PGCKA1: variants seen among roughly 807,000 people sequenced by gnomAD.
PGCKA1 encodes the protein PDCD10 and GCKIII kinases-associated protein 1.
At chr4:37,535,189 C>T in the PGCKA1 span, among the ~76,000 whole-genome samples, 1 of 152,144 alleles carries the variant, frequency 6.6e-6, no homozygotes, top group Non-Finnish European at 1.5e-5. Context: ...TGGACACGGC[C>T]AGTAAAAACT....
At chr4:37,533,199 AT>A in the PGCKA1 span, among the ~76,000 whole-genome samples, 3 of 152,032 alleles carry the variant, frequency 2.0e-5, no homozygotes, top group South Asian at 2.1e-4. Flanking sequence ...AAGCAGTAGG[AT>A]TTTTTTTCCC....
the PGCKA1 span, among the ~76,000 whole-genome samples, chr4:37,581,361 CCAG>C: frequency 6.6e-6 from 1 of 152,122 alleles, no homozygotes; most frequent in Non-Finnish European, 1.5e-5. This position sits in a 1 kb window ranked among gnomAD's most constrained non-coding sequence, Gnocchi z 4.4. Flanking sequence ...TCACCTGAAA[CCAG>C]CACATCTCAG....
the PGCKA1 span, among the ~76,000 whole-genome samples, chr4:37,555,393 C>G: frequency 1.3e-5 from 2 of 152,204 alleles, no homozygotes; most frequent in Non-Finnish European, 2.9e-5. Context: ...ATAGAGGACA[C>G]TCTGAGACAG....
chr4:37,510,784 T>C, the PGCKA1 span, among the ~76,000 whole-genome samples: 1 of 152,002 alleles, frequency 6.6e-6, no homozygotes, highest in African/African-American at 2.4e-5. Flanking sequence ...ATGTCCTTCT[T>C]TTCAGGTTGG....
chr4:37,456,638 G>A, the PGCKA1 span, among the ~76,000 whole-genome samples: 1 of 152,298 alleles, frequency 6.6e-6, no homozygotes, highest in African/African-American at 2.4e-5. Flanking sequence ...ACCCTGACCT[G>A]GCCTTGGAGA....
At chr4:37,580,946 C>A in the PGCKA1 span, among the ~76,000 whole-genome samples, 2 of 152,096 alleles carry the variant, frequency 1.3e-5, no homozygotes, top group East Asian at 1.9e-4. Flanking sequence ...GTCACTCAAA[C>A]CATAAGACAA....
chr4:37,500,746 G>A, the PGCKA1 span, among the ~76,000 whole-genome samples: 1 of 152,154 alleles, frequency 6.6e-6, no homozygotes, highest in Non-Finnish European at 1.5e-5. Flanking sequence ...ATTATTGTGT[G>A]GGAATCTAAG....
the PGCKA1 span, chr4:37,590,851 G>A: frequency 2.5e-6 from 4 of 1,614,128 alleles, no homozygotes; most frequent in Non-Finnish European, 3.4e-6. Context: ...TGCCATGCCT[G>A]TGGTTGACTC....
chr4:37,582,451 T>C, the PGCKA1 span, among the ~76,000 whole-genome samples: 1 of 152,340 alleles, frequency 6.6e-6, no homozygotes, highest in South Asian at 2.1e-4. Context: ...ACAGACCTTA[T>C]TCAGATTTTA....
At chr4:37,555,807 G>T in the PGCKA1 span, among the ~76,000 whole-genome samples, 1 of 152,034 alleles carries the variant, frequency 6.6e-6, no homozygotes, top group Non-Finnish European at 1.5e-5. Flanking sequence ...CTTTCACCCA[G>T]AACCCTTCAC....
chr4:37,490,463 A>T, the PGCKA1 span, among the ~76,000 whole-genome samples: 2 of 152,122 alleles, frequency 1.3e-5, no homozygotes, highest in East Asian at 1.9e-4. Context: ...AAGAGCGTTG[A>T]CTTTAATGCA....
the PGCKA1 span, among the ~76,000 whole-genome samples, chr4:37,492,314 A>G: frequency 3.3e-5 from 5 of 152,174 alleles, no homozygotes; most frequent in Non-Finnish European, 5.9e-5. The surrounding 1 kb of genome is among the most constrained non-coding windows in gnomAD (Gnocchi z 4.7). Flanking sequence ...CTGCTCATAT[A>G]TAAGAGCAAG....
the PGCKA1 span, among the ~76,000 whole-genome samples, chr4:37,465,975 C>T: frequency 6.6e-6 from 1 of 152,058 alleles, no homozygotes; most frequent in African/African-American, 2.4e-5. Context: ...ACTGAATGAG[C>T]CATTTCTCAG....
At chr4:37,481,957 C>G in the PGCKA1 span, among the ~76,000 whole-genome samples, 2 of 152,162 alleles carry the variant, frequency 1.3e-5, no homozygotes, top group Admixed American at 6.5e-5. Context: ...TTGCTTGGCT[C>G]TCATTCGCCT....
the PGCKA1 span, among the ~76,000 whole-genome samples, chr4:37,562,797 C>A: frequency 6.6e-6 from 1 of 152,188 alleles, no homozygotes; most frequent in Non-Finnish European, 1.5e-5. Flanking sequence ...ACTCTTTCTA[C>A]ATCCCTGGAA....
At chr4:37,505,468 T>C in the PGCKA1 span, among the ~76,000 whole-genome samples, 1 of 152,168 alleles carries the variant, frequency 6.6e-6, no homozygotes, top group Admixed American at 6.5e-5. Context: ...TATTAGTCCA[T>C]TTTCATGCTG....
chr4:37,540,642 G>A, the PGCKA1 span, among the ~76,000 whole-genome samples: 1 of 152,182 alleles, frequency 6.6e-6, no homozygotes, highest in Non-Finnish European at 1.5e-5. Flanking sequence ...CCTGTGTGAG[G>A]ACACAGGAAT....
chr4:37,572,063 C>CTTTTTTTTT, the PGCKA1 span, among the ~76,000 whole-genome samples: 1 of 89,972 alleles, frequency 1.1e-5, no homozygotes, highest in Non-Finnish European at 2.0e-5. Flanking sequence ...TTTTTTTTTT[C>CTTTTTTTTT]TTTTTTTTTT....
the PGCKA1 span, among the ~76,000 whole-genome samples, chr4:37,501,167 C>T: frequency 5.3e-5 from 8 of 151,998 alleles, no homozygotes; most frequent in African/African-American, 1.4e-4. Context: ...TGATGTCAGC[C>T]AGTTATTATG....
Sources: allele counts gnomAD v4.1 joint callset (sites outside exome capture counted in the v4.1 genomes callset), GRCh38; gene constraint gnomAD v4.1.1; non-coding constraint Gnocchi (gnomAD v3.1); transcripts MANE v1.5; gene names NCBI Gene and HGNC (gene_info 2026-07-23, HGNC 2026-07-21).